Variants in SLCO3A1 observed in about 807,000 individuals in gnomAD.
SLCO3A1 encodes PGE1 transporter.
SLCO3A1 carries 27 observed loss-of-function variants against 63.1 expected under a neutral mutation model. The observed-to-expected ratio is 0.43, with a 90% CI of 0.32 to 0.59. SLCO3A1 has a LOEUF of 0.59. SLCO3A1 is among the 20% of genes least tolerant of loss of function. The probability of loss-of-function intolerance (pLI) is 0.09; values close to 1 mark genes in which losing one functional copy is unlikely to be tolerated. For synonymous variants in SLCO3A1, 473 were observed against 409.9 expected, an observed-to-expected ratio of 1.15 and a Z score of -1.86; for missense variants, 773 against 945.8, an observed-to-expected ratio of 0.82 and a Z score of 2.40.
At chr15:91,984,390 C>G (rs553274198) in intron 2 of SLCO3A1, among the ~76,000 whole-genome samples, 2 of 152,152 alleles carry the variant, frequency 1.3e-5, no homozygotes, top group Admixed American at 6.5e-5. Flanking sequence ...ACAAATAATT[C>G]TAAAAGTTGA....
chr15:92,140,494 C>A (rs1490305687), intron 7 of SLCO3A1, among the ~76,000 whole-genome samples: 4 of 151,758 alleles, frequency 2.6e-5, no homozygotes, highest in Admixed American at 2.6e-4. Context: ...TCTATTAGGT[C>A]CGCTTGGTGC....
chr15:91,887,818 C>T (rs548258976), intron 1 of SLCO3A1, among the ~76,000 whole-genome samples: 1 of 152,320 alleles, frequency 6.6e-6, no homozygotes, highest in East Asian at 1.9e-4. Flanking sequence ...AATTACTTAA[C>T]CTCTCTGAAC....
chr15:92,091,113 T>C (rs540330148), intron 2 of SLCO3A1, among the ~76,000 whole-genome samples: 1 of 152,348 alleles, frequency 6.6e-6, no homozygotes, highest in East Asian at 1.9e-4. Context: ...GGCCAGGTGC[T>C]GAACCACTCT....
At chr15:92,012,264 G>A (rs1176905252) in intron 2 of SLCO3A1, among the ~76,000 whole-genome samples, 6 of 152,140 alleles carry the variant, frequency 3.9e-5, no homozygotes, top group Non-Finnish European at 5.9e-5. Flanking sequence ...CAGCTTGCAC[G>A]TGAGCAAACA....
At chr15:91,972,917 T>G (rs1900935213) in intron 2 of SLCO3A1, among the ~76,000 whole-genome samples, 1 of 152,162 alleles carries the variant, frequency 6.6e-6, no homozygotes. Context: ...GGTCAGGGGT[T>G]CGAGACCATC....
At position 92,042,129 on chromosome 15, in the gene SLCO3A1, A is replaced by G. The variant is rs543066646; in HGVS notation, c.647-52752A>G. Reference sequence around the variant, plus strand: ...TCTTGCCCTGTCCTCTCTCAGCCAGATGGTTTCAGTAGTTGATGCTGTTTT... The same window carrying G: ...TCTTGCCCTGTCCTCTCTCAGCCAGGTGGTTTCAGTAGTTGATGCTGTTTT... On this transcript the variant is annotated intron_variant, in intron 2 of 9. Transcript: ENST00000318445. 2.6e-5 allele frequency among the ~76,000 whole-genome samples: 4 copies of G among 152,252 alleles called. No individual in the cohort carries two copies. The East Asian group carries it at 7.7e-4, about 29-fold the overall frequency.
chr15:91,970,132 G>C (rs1900805729), intron 2 of SLCO3A1, among the ~76,000 whole-genome samples: 2 of 152,176 alleles, frequency 1.3e-5, no homozygotes, highest in African/African-American at 4.8e-5. Context: ...CTAAAAAGAG[G>C]CATTGAAATA....
intron 1 of SLCO3A1, among the ~76,000 whole-genome samples, chr15:91,891,206 G>A (rs544548138): frequency 6.6e-6 from 1 of 152,058 alleles, no homozygotes; most frequent in African/African-American, 2.4e-5. Flanking sequence ...AATTGTGATG[G>A]ACCATTCAAA....
chr15:92,126,298 A>T (rs749889109), intron 6 of SLCO3A1, 39 bp downstream of exon 6: 1 of 1,563,532 alleles, frequency 6.4e-7, no homozygotes, highest in South Asian at 1.1e-5. Flanking sequence ...CTGCCTGTTC[A>T]GGGACCCTAG....
intron 4 of SLCO3A1, among the ~76,000 whole-genome samples, chr15:92,119,266 A>T (rs1159109395): frequency 6.6e-6 from 1 of 152,254 alleles, no homozygotes; most frequent in African/African-American, 2.4e-5. Flanking sequence ...CTCCTATTTT[A>T]AAAGCACCAA....
At chr15:92,132,811 T>C (rs2048012443) in intron 7 of SLCO3A1, among the ~76,000 whole-genome samples, 1 of 144,922 alleles carries the variant, frequency 6.9e-6, no homozygotes, top group African/African-American at 2.5e-5. Flanking sequence ...ACAGCTCCAT[T>C]ATGGGCCCAG....
downstream of SLCO3A1, among the ~76,000 whole-genome samples, chr15:92,166,875 G>C (rs1391393817): frequency 6.6e-6 from 1 of 152,142 alleles, no homozygotes; most frequent in Non-Finnish European, 1.5e-5. Flanking sequence ...GTCCTAGGAA[G>C]TCTGGTTTCT....
At chr15:91,988,782 A>G (rs2046087935) in intron 2 of SLCO3A1, among the ~76,000 whole-genome samples, 1 of 152,194 alleles carries the variant, frequency 6.6e-6, no homozygotes. Flanking sequence ...GGTTTATTTC[A>G]TTGCATCACT....
At chr15:91,964,113 C>T (rs867601517) in intron 2 of SLCO3A1, among the ~76,000 whole-genome samples, 1 of 152,098 alleles carries the variant, frequency 6.6e-6, no homozygotes. Flanking sequence ...GCTGGCTTCA[C>T]CTCTCAGTAT....
At chr15:91,888,945 G>GT (rs1367489889) in intron 1 of SLCO3A1, among the ~76,000 whole-genome samples, 1 of 149,984 alleles carries the variant, frequency 6.7e-6, no homozygotes, top group African/African-American at 2.5e-5. Context: ...GGAGCATAAG[G>GT]TTTCGGGGAG....
At chr15:91,884,561 T>C (rs762647863) in intron 1 of SLCO3A1, among the ~76,000 whole-genome samples, 2 of 151,154 alleles carry the variant, frequency 1.3e-5, no homozygotes, top group Non-Finnish European at 2.9e-5. Flanking sequence ...CTTCAGAGCC[T>C]TTTTCTAATA....
Position 92,082,480 on chromosome 15 carries a change from C to T in SLCO3A1, c.647-12401C>T, listed in dbSNP as rs765311608. ...TAGTGGGGCAGAGTCACAGCCAACC[C>T]GCGTTTCCTCCTCACTCCTCCCACT... is the stretch of plus-strand genomic sequence containing the variant. On this transcript the variant is annotated intron_variant, in intron 2 of 9. Coordinates refer to ENST00000318445, the MANE Select transcript of SLCO3A1 (RefSeq NM_013272.4). 9.9e-4 allele frequency among the ~76,000 whole-genome samples: 151 copies of T among 152,204 alleles called. 1 individual carries two copies. Among genetic ancestry groups the T allele is most frequent in the Non-Finnish European group, 1.9e-3 (128 of 67,992 alleles).
At chr15:92,144,724 GC>G (rs1409560871) in intron 7 of SLCO3A1, among the ~76,000 whole-genome samples, 2 of 152,218 alleles carry the variant, frequency 1.3e-5, no homozygotes, top group African/African-American at 4.8e-5. Flanking sequence ...TCCCGTCCTT[GC>G]AGGAAAGCGA....
rs779274626 is a variant in SLCO3A1 at position 91,916,296 on chromosome 15, G to A, written c.484G>A (p.Asp162Asn). Residue 162 changes from aspartate to asparagine, a missense_variant, in exon 2 of 10, where the codon GAC becomes AAC. Transcript: ENST00000318445. The surrounding 1 kb of genome is among the most constrained non-coding windows in gnomAD (Gnocchi z 6.2). ...CGGCTCGGGCGGCGACGAGGGGCCC[G>A]ACCCCGACCTCATCTGCCGCAACCG... ...ANGSGGDEGP[D>N]PDLICRNRTA... The A allele has an allele frequency of 6.4e-7, 1 of 1,561,164 alleles. No homozygotes were observed. Among genetic ancestry groups the A allele is most frequent in the Non-Finnish European group, 8.7e-7 (1 of 1,154,948 alleles).
Sources: allele counts gnomAD v4.1 joint callset (sites outside exome capture counted in the v4.1 genomes callset), GRCh38; gene constraint gnomAD v4.1.1; non-coding constraint Gnocchi (gnomAD v3.1); transcripts MANE v1.5; gene names NCBI Gene and HGNC (gene_info 2026-07-23, HGNC 2026-07-21).